The following DLGAP1 variants were observed in gnomAD, a reference collection of about 807,000 sequenced individuals.
The protein encoded by DLGAP1 is DLG associated protein 1, also known as disks large-associated protein 1.
A neutral mutation model predicts 90.8 loss-of-function variants in DLGAP1; 11 were observed. The ratio of observed to expected loss-of-function variants is 0.12; its 90% CI spans 0.08 to 0.20. The LOEUF (loss-of-function observed/expected upper bound fraction) is 0.20, where lower values mean the gene tolerates loss of function less well. Ranked by LOEUF, DLGAP1 falls within the 10% of genes least tolerant of loss-of-function variation. The pLI, the probability that DLGAP1 is intolerant of heterozygous loss-of-function variation, is 1.00. For missense variants in DLGAP1, 1,050 were observed against 1,333.8 expected, an observed-to-expected ratio of 0.79 and a Z score of 3.31; for synonymous variants, 558 against 540.7, an observed-to-expected ratio of 1.03 and a Z score of -0.44.
chr18:3,518,967 T>C (rs1312673781), intron 10 of DLGAP1, among the ~76,000 whole-genome samples: 2 of 152,198 alleles, frequency 1.3e-5, no homozygotes, highest in Non-Finnish European at 2.9e-5. Context: ...CACTGATTGG[T>C]GAATAATTTC....
chr18:4,415,509 A>G (rs1306444292), intron 1 of DLGAP1, among the ~76,000 whole-genome samples: 1 of 152,226 alleles, frequency 6.6e-6, no homozygotes, highest in African/African-American at 2.4e-5. Context: ...TCATTAGAAC[A>G]TAATTCCTCA....
chr18:4,011,883 T>TA (rs2074430430), intron 2 of DLGAP1, among the ~76,000 whole-genome samples: 1 of 152,024 alleles, frequency 6.6e-6, no homozygotes, highest in Non-Finnish European at 1.5e-5. Context: ...AAAAATCTTC[T>TA]AACTTCTCAG....
chr18:4,214,543 G>A (rs553323825), intron 1 of DLGAP1, among the ~76,000 whole-genome samples: 25 of 152,146 alleles, frequency 1.6e-4, no homozygotes, highest in Admixed American at 5.2e-4. Context: ...GGGTACACAC[G>A]TAAATTTCTA....
rs748241320 is a variant in DLGAP1 at position 3,653,278 on chromosome 18, A to G, written c.1592-71030T>C. ...CCCCTTCCGTCAAATTGCTGTCTAG[A>G]TGTTTCTCTCTGACCCCAATTTTCT... On this transcript the variant is annotated intron_variant, in intron 7 of 12. Coordinates refer to ENST00000315677, the MANE Select transcript of DLGAP1 (RefSeq NM_004746.4). The surrounding 1 kb of genome is among the most constrained non-coding windows in gnomAD (Gnocchi z 4.6). 6 of 152,020 alleles carry G rather than the reference A, an allele frequency of 3.9e-5. No individual in the cohort carries two copies. Among genetic ancestry groups the G allele is most frequent in the Non-Finnish European group, 7.4e-5 (5 of 67,996 alleles). 9.4% of individuals were successfully genotyped at this position (152,020 alleles called of 1,614,324 possible). A position where few individuals can be genotyped will look rare whatever the true frequency, so the allele number is the denominator to read the frequency against.
intron 7 of DLGAP1, chr18:3,655,699 C>T (rs1351252328): frequency 1.6e-5 from 3 of 183,982 alleles, no homozygotes; most frequent in African/African-American, 2.3e-5. Context: ...AACATGTCTG[C>T]TCTGTTGGGA....
At chr18:4,059,328 C>T (rs1415826655) in intron 2 of DLGAP1, among the ~76,000 whole-genome samples, 1 of 152,150 alleles carries the variant, frequency 6.6e-6, no homozygotes, top group African/African-American at 2.4e-5. Context: ...ATACTCAGGA[C>T]ACTCCCCTTG....
chr18:3,567,181 T>C (rs943309429), intron 9 of DLGAP1, among the ~76,000 whole-genome samples: 6 of 152,166 alleles, frequency 3.9e-5, no homozygotes, highest in Non-Finnish European at 8.8e-5. Flanking sequence ...AAGTGCACTG[T>C]CTCATATGGG....
chr18:3,995,675 C>G (rs1004533631), intron 3 of DLGAP1: 6 of 151,672 alleles, frequency 4.0e-5, no homozygotes, highest in Admixed American at 3.9e-4. Context: ...GAGTTCTGCT[C>G]TAACCACACT....
chr18:4,433,979 C>T (rs1248289341), intron 1 of DLGAP1, among the ~76,000 whole-genome samples: 3 of 152,056 alleles, frequency 2.0e-5, no homozygotes, highest in African/African-American at 7.2e-5. Flanking sequence ...CCAGCCATCA[C>T]AAATTCCTCA....
chr18:4,257,358 G>A (rs1480530142), intron 1 of DLGAP1, among the ~76,000 whole-genome samples: 2 of 152,148 alleles, frequency 1.3e-5, no homozygotes, highest in Non-Finnish European at 1.5e-5. Context: ...ATGTCAACTG[G>A]TTACCCGGTT....
At chr18:4,133,181 G>A (rs1281147185) in intron 2 of DLGAP1, among the ~76,000 whole-genome samples, 1 of 152,144 alleles carries the variant, frequency 6.6e-6, no homozygotes, top group East Asian at 1.9e-4. Flanking sequence ...ATAGAGAAGT[G>A]CCTTGAAGGA....
chr18:3,828,558 T>C (rs1003229362), intron 4 of DLGAP1, among the ~76,000 whole-genome samples: 12 of 144,618 alleles, frequency 8.3e-5, no homozygotes, highest in Admixed American at 3.0e-4. Flanking sequence ...GAGGATCTCC[T>C]GAGCCTAGGA....
chr18:3,909,169 G>A (rs535163608), intron 3 of DLGAP1, among the ~76,000 whole-genome samples: 2 of 152,196 alleles, frequency 1.3e-5, no homozygotes, highest in African/African-American at 2.4e-5. Context: ...GGAGGCAAAA[G>A]GTGGTAAAAG....
chr18:3,708,178 G>A (rs1201689411), intron 7 of DLGAP1, among the ~76,000 whole-genome samples: 1 of 151,974 alleles, frequency 6.6e-6, no homozygotes, highest in African/African-American at 2.4e-5. Context: ...GCTAATTTTT[G>A]TACTTTTCAG....
chr18:4,366,675 A>G (rs866883333), intron 1 of DLGAP1, among the ~76,000 whole-genome samples: 8 of 152,014 alleles, frequency 5.3e-5, no homozygotes, highest in East Asian at 1.9e-4. Flanking sequence ...AGATAAATCA[A>G]TTTATTTGGC....
At chr18:4,434,074 A>C (rs1401703606) in intron 1 of DLGAP1, among the ~76,000 whole-genome samples, 3 of 152,060 alleles carry the variant, frequency 2.0e-5, no homozygotes, top group Non-Finnish European at 4.4e-5. Context: ...TTCAAAAGCC[A>C]ACCCAAAAGG....
intron 9 of DLGAP1, among the ~76,000 whole-genome samples, chr18:3,540,729 T>C (rs1471212743): frequency 6.6e-6 from 1 of 152,172 alleles, no homozygotes; most frequent in Non-Finnish European, 1.5e-5. Flanking sequence ...TGTTCATCAT[T>C]CCTTTGCTTA....
At chr18:4,243,096 G>A (rs2078578725) in intron 1 of DLGAP1, among the ~76,000 whole-genome samples, 1 of 151,644 alleles carries the variant, frequency 6.6e-6, no homozygotes, top group Non-Finnish European at 1.5e-5. Context: ...GTGTTGTGAG[G>A]CTTGTGCCTT....
At chr18:3,926,956 G>C (rs2072405712) in intron 3 of DLGAP1, among the ~76,000 whole-genome samples, 1 of 152,116 alleles carries the variant, frequency 6.6e-6, no homozygotes, top group South Asian at 2.1e-4. Flanking sequence ...AAATGACATA[G>C]GAGTTTGCTT....
Sources: allele counts gnomAD v4.1 joint callset (sites outside exome capture counted in the v4.1 genomes callset), GRCh38; gene constraint gnomAD v4.1.1; non-coding constraint Gnocchi (gnomAD v3.1); transcripts MANE v1.5; gene names NCBI Gene and HGNC (gene_info 2026-07-23, HGNC 2026-07-21).